The following SLC35F3 variants were observed in gnomAD, a reference collection of about 807,000 sequenced individuals.
SLC35F3 encodes putative thiamine transporter SLC35F3.
SLC35F3 carries 25 observed loss-of-function variants against 49.9 expected under a neutral mutation model. The observed-to-expected ratio is 0.50, with a 90% confidence interval of 0.37 to 0.70. The LOEUF (loss-of-function observed/expected upper bound fraction) is 0.70. Ranked by LOEUF, SLC35F3 falls within the 30% of genes least tolerant of loss-of-function variation. SLC35F3 has a pLI of 0.00. For synonymous variants in SLC35F3, 275 were observed against 265.4 expected, an observed-to-expected ratio of 1.04 and a Z score of -0.35; for missense variants, 525 against 639.8, an observed-to-expected ratio of 0.82 and a Z score of 1.94.
intron 2 of SLC35F3, among the ~76,000 whole-genome samples, chr1:233,908,405 G>C (rs1349139353): frequency 6.6e-6 from 1 of 152,098 alleles, no homozygotes; most frequent in Admixed American, 6.5e-5. Context: ...TTCATTTTTA[G>C]ATTTTGTTTG....
intron 2 of SLC35F3, among the ~76,000 whole-genome samples, chr1:234,152,417 C>T (rs1666090852): frequency 6.6e-6 from 1 of 152,070 alleles, no homozygotes; most frequent in African/African-American, 2.4e-5. Context: ...CCGGTGTTCC[C>T]CTCCCTGTGT....
chr1:234,044,831 G>A (rs968688113), intron 2 of SLC35F3, among the ~76,000 whole-genome samples: 5 of 151,998 alleles, frequency 3.3e-5, no homozygotes, highest in Admixed American at 3.3e-4. Flanking sequence ...TTGATCATAT[G>A]GGTGGTAGTT....
chr1:234,149,306 T>C (rs1666039050), intron 2 of SLC35F3, among the ~76,000 whole-genome samples: 1 of 152,206 alleles, frequency 6.6e-6, no homozygotes, highest in Non-Finnish European at 1.5e-5. Flanking sequence ...GACTTCCCAG[T>C]CCTGAGCTTC....
chr1:234,053,512 C>T (rs1418986023), intron 2 of SLC35F3, among the ~76,000 whole-genome samples: 1 of 152,060 alleles, frequency 6.6e-6, no homozygotes, highest in Non-Finnish European at 1.5e-5. Context: ...TCCTCCATCC[C>T]TTTATTTTGA....
intron 6 of SLC35F3, among the ~76,000 whole-genome samples, chr1:234,319,466 G>A (rs995658057): frequency 2.0e-5 from 3 of 152,178 alleles, no homozygotes; most frequent in Non-Finnish European, 2.9e-5. Flanking sequence ...ACTTTGGGAG[G>A]CCAAGATGGG....
chr1:233,963,062 C>T (rs1248190782), intron 2 of SLC35F3, among the ~76,000 whole-genome samples: 2 of 152,216 alleles, frequency 1.3e-5, no homozygotes, highest in African/African-American at 4.8e-5. Flanking sequence ...AGTACAGAGA[C>T]AAGCATTAGC....
chr1:234,127,776 T>G (rs1016245493), intron 2 of SLC35F3, among the ~76,000 whole-genome samples: 5 of 152,206 alleles, frequency 3.3e-5, no homozygotes, highest in Non-Finnish European at 5.9e-5. Context: ...TAGAATAGAT[T>G]TATAAGCATG....
At chr1:233,928,315 A>G (rs1231207984) in intron 2 of SLC35F3, among the ~76,000 whole-genome samples, 2 of 152,190 alleles carry the variant, frequency 1.3e-5, no homozygotes, top group African/African-American at 2.4e-5. Flanking sequence ...AAGAAATGTG[A>G]GCACATCACT....
At chr1:234,124,818 T>G (rs1047605646) in intron 2 of SLC35F3, among the ~76,000 whole-genome samples, 1 of 152,098 alleles carries the variant, frequency 6.6e-6, no homozygotes, top group African/African-American at 2.4e-5. Context: ...CAGGGAGCTA[T>G]GAGCAACAGA....
At chr1:234,005,049 GA>G (rs2102834490) in intron 2 of SLC35F3, among the ~76,000 whole-genome samples, 1 of 152,224 alleles carries the variant, frequency 6.6e-6, no homozygotes, top group East Asian at 1.9e-4. Flanking sequence ...GAATAAAATA[GA>G]AAAGCTGAAA....
At chr1:234,149,190 C>A (rs1426907913) in intron 2 of SLC35F3, among the ~76,000 whole-genome samples, 1 of 152,082 alleles carries the variant, frequency 6.6e-6, no homozygotes, top group African/African-American at 2.4e-5. Flanking sequence ...TCCCTCTCTG[C>A]TGTTTGAGTG....
intron 2 of SLC35F3, among the ~76,000 whole-genome samples, chr1:234,221,591 T>C (rs1021909648): frequency 4.6e-5 from 7 of 152,010 alleles, no homozygotes; most frequent in African/African-American, 1.7e-4. Context: ...CTTGAAGAGG[T>C]GGGAAAGGGT....
intron 2 of SLC35F3, among the ~76,000 whole-genome samples, chr1:234,074,553 C>T (rs1017939875): frequency 6.6e-6 from 1 of 152,152 alleles, no homozygotes; most frequent in African/African-American, 2.4e-5. Flanking sequence ...AGGATGACTT[C>T]TACAGACACT....
intron 3 of SLC35F3, among the ~76,000 whole-genome samples, chr1:234,279,054 G>T (rs987845430): frequency 6.6e-6 from 1 of 152,118 alleles, no homozygotes; most frequent in African/African-American, 2.4e-5. Context: ...AGCACAGCTT[G>T]GTTTTATGCA....
At chr1:234,066,957 C>G (rs1664631198) in intron 2 of SLC35F3, among the ~76,000 whole-genome samples, 1 of 151,960 alleles carries the variant, frequency 6.6e-6, no homozygotes, top group South Asian at 2.1e-4. Flanking sequence ...AATTCCATGA[C>G]TTCATTTGCG....
chr1:233,944,907 C>G (rs1021032584), intron 2 of SLC35F3, among the ~76,000 whole-genome samples: 1 of 152,014 alleles, frequency 6.6e-6, no homozygotes, highest in Non-Finnish European at 1.5e-5. Flanking sequence ...TAAATGACAC[C>G]GATGGAACCT....
At chr1:234,019,741 A>G (rs1277205376) in intron 2 of SLC35F3, among the ~76,000 whole-genome samples, 1 of 152,218 alleles carries the variant, frequency 6.6e-6, no homozygotes, top group African/African-American at 2.4e-5. Flanking sequence ...CATAGGCTCA[A>G]CCATCCAACA....
At chr1:234,095,918 T>C (rs143318228) in intron 2 of SLC35F3, among the ~76,000 whole-genome samples, 26 of 152,384 alleles carry the variant, frequency 1.7e-4, no homozygotes, top group African/African-American at 5.5e-4. Context: ...CTATTACTGT[T>C]GTAATCAGTG....
intron 2 of SLC35F3, among the ~76,000 whole-genome samples, chr1:234,216,221 C>G (rs1198047182): frequency 2.6e-5 from 4 of 152,150 alleles, no homozygotes; most frequent in Non-Finnish European, 4.4e-5. Context: ...TCTGCTCACT[C>G]ATAGGGTCCT....
Sources: allele counts gnomAD v4.1 joint callset (sites outside exome capture counted in the v4.1 genomes callset), GRCh38; gene constraint gnomAD v4.1.1; transcripts MANE v1.5; gene names NCBI Gene and HGNC (gene_info 2026-07-23, HGNC 2026-07-21).